The following TXNDC12 variants were observed in gnomAD, a reference collection of about 807,000 sequenced individuals.
TXNDC12 encodes thioredoxin domain containing 12, also known as thioredoxin domain-containing protein 12.
TXNDC12 carries 22 observed loss-of-function variants against 24.2 expected under a neutral mutation model. The ratio of observed to expected loss-of-function variants is 0.91; its 90% CI spans 0.65 to 1.30. TXNDC12 has a LOEUF of 1.30. TXNDC12 is among the 50% of genes most tolerant of loss of function. TXNDC12 has a pLI of 0.00. For missense variants in TXNDC12, 184 were observed against 205.8 expected, an observed-to-expected ratio of 0.89 and a Z score of 0.65; for synonymous variants, 58 against 73.4, an observed-to-expected ratio of 0.79 and a Z score of 1.07.
At chr1:52,031,036 T>A (rs746715667) in intron 2 of TXNDC12, among the ~76,000 whole-genome samples, 18 of 152,218 alleles carry the variant, frequency 1.2e-4, no homozygotes, top group Non-Finnish European at 2.5e-4. Flanking sequence ...GGTTCAAATG[T>A]TAACTCCTCT....
rs111965048 is a variant in TXNDC12, at chr1:52,049,332, G to A, written c.97+5668C>T. Among the ~76,000 whole-genome samples the A allele has an allele frequency of 2.5e-3, 383 of 152,268 alleles. 5 individuals carry two copies. Among genetic ancestry groups the A allele is most frequent in the African/African-American group, 9.0e-3 (372 of 41,560 alleles). ...TGAAAATAGTCCACTGTGGCTGGGCGTGGTGGCTCAAGCCTTTGGGAGGCT... is the reference window on the plus strand; with the variant it reads ...TGAAAATAGTCCACTGTGGCTGGGCATGGTGGCTCAAGCCTTTGGGAGGCT... On this transcript the variant is annotated intron_variant, in intron 1 of 6. Transcript: ENST00000371626.
At chr1:52,025,776 T>C (rs1254590429) in intron 4 of TXNDC12, among the ~76,000 whole-genome samples, 1 of 152,176 alleles carries the variant, frequency 6.6e-6, no homozygotes, top group African/African-American at 2.4e-5. Context: ...CTGTTAACTG[T>C]TAATGTGTTC....
chr1:52,046,467 T>C (rs1686091344), intron 1 of TXNDC12, among the ~76,000 whole-genome samples: 1 of 152,166 alleles, frequency 6.6e-6, no homozygotes. Context: ...CTAAGGTTTT[T>C]GGCCTGGACA....
Position 52,048,262 on chromosome 1 carries a change from C to T in TXNDC12, c.98-6665G>A, listed in dbSNP as rs572292667. 5.9e-5 allele frequency among the ~76,000 whole-genome samples: 9 copies of T among 151,526 alleles called. No individual in the cohort carries two copies. In the South Asian group the frequency reaches 1.3e-3, roughly 21 times the overall value. ...GGAGGATCACTTGAGGCTAGAAGTT[C>T]GAGGCCAGTCTGGGCAACATAGAGA... On this transcript the variant is annotated intron_variant, in intron 1 of 6. Coordinates refer to ENST00000371626, the MANE Select transcript of TXNDC12 (RefSeq NM_015913.4).
chr1:52,044,589 T>A lies in TXNDC12; in HGVS notation c.98-2992A>T, dbSNP rs545472648. Among the ~76,000 whole-genome samples the A allele has an allele frequency of 5.9e-5, 9 of 152,314 alleles. No individual in the cohort carries two copies. The East Asian group carries it at 1.5e-3, about 26-fold the overall frequency. On this transcript the variant is annotated intron_variant, in intron 1 of 6. Coordinates refer to ENST00000371626, the MANE Select transcript of TXNDC12 (RefSeq NM_015913.4). Reference sequence around the variant, plus strand: ...CTGAGGAATTCAGATATTAGAATTATCAGCCACAAAATACAGAAATAGCTA... The same window carrying A: ...CTGAGGAATTCAGATATTAGAATTAACAGCCACAAAATACAGAAATAGCTA...
chr1:52,045,382 T>TA (rs1400938627), intron 1 of TXNDC12, among the ~76,000 whole-genome samples: 1 of 152,180 alleles, frequency 6.6e-6, no homozygotes, highest in African/African-American at 2.4e-5. Flanking sequence ...GTTCATATCT[T>TA]AAAGTCTTTA....
At chr1:52,042,465 T>C (rs1400102223) in intron 1 of TXNDC12, among the ~76,000 whole-genome samples, 1 of 92,688 alleles carries the variant, frequency 1.1e-5, no homozygotes. Flanking sequence ...ATACTTTCAC[T>C]TTTTTTTTTT....
chr1:52,047,377 A>G (rs1686116038), intron 1 of TXNDC12, among the ~76,000 whole-genome samples: 1 of 152,176 alleles, frequency 6.6e-6, no homozygotes. Context: ...GGACTATGGA[A>G]GAAGTATTGG....
intron 2 of TXNDC12, among the ~76,000 whole-genome samples, chr1:52,031,490 A>AT (rs1381820903): frequency 6.7e-6 from 1 of 148,648 alleles, no homozygotes; most frequent in African/African-American, 2.5e-5. Flanking sequence ...TTCTCACCAC[A>AT]TATCTCTTTT....
chr1:52,048,671 A>G (rs973082751), intron 1 of TXNDC12, among the ~76,000 whole-genome samples: 1 of 151,900 alleles, frequency 6.6e-6, no homozygotes, highest in Non-Finnish European at 1.5e-5. Context: ...GTTCAAGACC[A>G]GCCTGGCCAA....
intron 2 of TXNDC12, chr1:52,032,929 G>A (rs148811457): frequency 1.9e-6 from 3 of 1,606,844 alleles, no homozygotes; most frequent in African/African-American, 1.3e-5. Context: ...TACTTGACTC[G>A]TGACCTGGTC....
chr1:52,040,041 C>T (rs1009795487), intron 2 of TXNDC12, among the ~76,000 whole-genome samples: 1 of 152,096 alleles, frequency 6.6e-6, no homozygotes, highest in Non-Finnish European at 1.5e-5. Flanking sequence ...AAGTGATTCT[C>T]TTGCTTCAGC....
At chr1:52,021,091 G>T in intron 6 of TXNDC12, 79 bp from the exon 7 acceptor site, 1 of 1,092,630 alleles carries the variant, frequency 9.2e-7, no homozygotes, top group Non-Finnish European at 1.4e-6. Context: ...ACTTTTAAAT[G>T]TTTCAGAAGA....
At chr1:52,050,270 A>G (rs915305951) in intron 1 of TXNDC12, among the ~76,000 whole-genome samples, 1 of 152,188 alleles carries the variant, frequency 6.6e-6, no homozygotes, top group Non-Finnish European at 1.5e-5. Context: ...TTGTTACTAA[A>G]AACATCCATT....
chr1:52,038,171 C>CT lies in TXNDC12; in HGVS notation c.158+3365dup, dbSNP rs560281001. Among the ~76,000 whole-genome samples the CT allele has an allele frequency of 1.5e-3, 234 of 151,420 alleles. 1 individual carries two copies. The highest frequency in any genetic ancestry group is 4.6e-3 in the African/African-American group (192 of 41,294). On this transcript the variant is annotated intron_variant, in intron 2 of 6. Transcript: ENST00000371626. The stretch of plus-strand genomic sequence containing the variant: ...TCCTTACTATTAATGTCCTTTGTGG[C>CT]TTTTTTTTTCCAGAGTAGGGTACCT...
At chr1:52,025,221 CTT>C (rs1229139020) in intron 4 of TXNDC12, among the ~76,000 whole-genome samples, 25 of 141,692 alleles carry the variant, frequency 1.8e-4, no homozygotes, top group Admixed American at 2.1e-4. Context: ...AATCAGTTTT[CTT>C]TTTTTTTTTT....
chr1:52,028,257 T>C, intron 3 of TXNDC12, among the ~76,000 whole-genome samples: 1 of 152,104 alleles, frequency 6.6e-6, no homozygotes, highest in East Asian at 1.9e-4. Context: ...GTCAGATAAC[T>C]TGGGTTCTAA....
chr1:52,033,642 G>A (rs765664844), intron 2 of TXNDC12: 13 of 1,611,560 alleles, frequency 8.1e-6, no homozygotes, highest in African/African-American at 1.3e-5. Flanking sequence ...CTGCGCCCAG[G>A]ACAGCTGCGT....
intron 2 of TXNDC12, 35 bp from the exon 3 acceptor site, chr1:52,028,665 A>T (rs779875476): frequency 6.8e-7 from 1 of 1,480,650 alleles, no homozygotes; most frequent in Admixed American, 1.8e-5. Context: ...TAATCTAGTA[A>T]TTCTACTTCT....
Sources: allele counts gnomAD v4.1 joint callset (sites outside exome capture counted in the v4.1 genomes callset), GRCh38; gene constraint gnomAD v4.1.1; transcripts MANE v1.5; gene names NCBI Gene and HGNC (gene_info 2026-07-23, HGNC 2026-07-21).